Variants in PCDHA7 observed in about 807,000 individuals in gnomAD.
The protein encoded by PCDHA7 is protocadherin alpha 7, also known as protocadherin alpha-7.
PCDHA7 carries 37 observed loss-of-function variants against 57.2 expected under a neutral mutation model. The observed-to-expected ratio is 0.65, with a 90% CI of 0.50 to 0.85. PCDHA7 has a LOEUF of 0.85. Among genes scored for constraint, PCDHA7 ranks in the 40% least tolerant of loss-of-function variants. PCDHA7 has a pLI of 0.00. For missense variants in PCDHA7, 1,188 were observed against 1,241.8 expected, an observed-to-expected ratio of 0.96 and a Z score of 0.65; for synonymous variants, 553 against 558.8, an observed-to-expected ratio of 0.99 and a Z score of 0.15.
At chr5:140,986,427 G>A (rs937088313) in intron 3 of PCDHA7, among the ~76,000 whole-genome samples, 19 of 152,186 alleles carry the variant, frequency 1.2e-4, no homozygotes, top group African/African-American at 4.6e-4. Context: ...TTAACTTCAT[G>A]AGTACTAATG....
chr5:140,856,970 G>T (rs2044296852), intron 1 of PCDHA7: 1 of 1,592,058 alleles, frequency 6.3e-7, no homozygotes, highest in Non-Finnish European at 8.6e-7. Flanking sequence ...TGATGCTATT[G>T]ACTTTGAGGA....
chr5:140,930,412 G>T (rs1327423423), intron 1 of PCDHA7: 1 of 148,866 alleles, frequency 6.7e-6, no homozygotes, highest in Non-Finnish European at 1.5e-5. Context: ...TTTTGAGACA[G>T]GGGTCTCACT....
At chr5:140,995,687 G>C (rs983290111) in intron 3 of PCDHA7, among the ~76,000 whole-genome samples, 3 of 152,062 alleles carry the variant, frequency 2.0e-5, no homozygotes, top group Admixed American at 6.5e-5. Context: ...TTTTTTAATT[G>C]TTAAATAAAG....
At chr5:140,894,405 CT>C (rs1198263353) in intron 1 of PCDHA7, among the ~76,000 whole-genome samples, 2 of 151,926 alleles carry the variant, frequency 1.3e-5, no homozygotes, top group African/African-American at 4.8e-5. Context: ...CTTTGCTTTT[CT>C]TTTGTAGCTA....
At chr5:140,856,210 G>C (rs556174610) in intron 1 of PCDHA7, 1 of 1,598,116 alleles carries the variant, frequency 6.3e-7, no homozygotes, top group African/African-American at 1.3e-5. Context: ...TGGGGCTGGA[G>C]CTGGCGGAGC....
Position 140,849,728 on chromosome 5 carries a change from A to C in PCDHA7, c.2355+12990A>C, listed in dbSNP as rs144507871. ...ATTACTACTCGTTGGTGCTGGACAG[A>C]GCTCTGGACCGCGAGAGTGTGTCCG... On this transcript the variant is annotated intron_variant, in intron 1 of 3. Transcript: ENST00000525929. 513 of 1,598,410 alleles carry C rather than the reference A, an allele frequency of 3.2e-4. 33 individuals carry two copies. In the African/African-American group the frequency reaches 4.5e-3, roughly 14 times the overall value.
At chr5:140,958,294 A>G (rs1324756311) in intron 1 of PCDHA7, among the ~76,000 whole-genome samples, 1 of 152,142 alleles carries the variant, frequency 6.6e-6, no homozygotes, top group African/African-American at 2.4e-5. Context: ...ATATTATTGA[A>G]CTTAATTAAA....
intron 1 of PCDHA7, among the ~76,000 whole-genome samples, chr5:140,959,927 C>A (rs1554224406): frequency 6.6e-6 from 1 of 152,038 alleles, no homozygotes; most frequent in African/African-American, 2.4e-5. Flanking sequence ...TTGTAAAGCC[C>A]CATTACTTAG....
At chr5:140,849,934 G>A (rs2150458402) in intron 1 of PCDHA7, 1 of 1,598,054 alleles carries the variant, frequency 6.3e-7, no homozygotes, top group East Asian at 2.2e-5. Context: ...GTGTCTGCGC[G>A]GGACGCTGAC....
chr5:140,857,161 C>G (rs782653443), intron 1 of PCDHA7: 1 of 1,598,332 alleles, frequency 6.3e-7, no homozygotes, highest in Non-Finnish European at 8.6e-7. Flanking sequence ...TTGCCCTAAT[C>G]AGCGTTTCTG....
Position 140,836,212 on chromosome 5 carries a change from A to T in PCDHA7, c.1829A>T (p.Glu610Val). The T allele has an allele frequency of 6.2e-7, 1 of 1,613,756 alleles. No homozygotes were observed. The change falls in exon 1 of 4, where the codon GAG becomes GTG. Residue 610 changes from glutamate (E) to valine (V), a missense_variant. Physicochemically the swap from Glu to Val is moderately radical, Grantham distance 121. This residue lies in a region of PCDHA7 where 892 missense variants were observed against 788.5 expected (regional missense o/e 1.13). Transcript: ENST00000525929. ...DSGYNAWLSYELQPVAAGASI... is the reference protein window; with the variant it reads ...DSGYNAWLSYVLQPVAAGASI... Reference sequence around the variant, plus strand: ...GGCTACAACGCGTGGCTTTCGTATGAGTTGCAACCGGTGGCGGCCGGTGCG... The same window carrying T: ...GGCTACAACGCGTGGCTTTCGTATGTGTTGCAACCGGTGGCGGCCGGTGCG...
chr5:140,883,096 T>G (rs2059436763), intron 1 of PCDHA7: 1 of 1,614,006 alleles, frequency 6.2e-7, no homozygotes, highest in Non-Finnish European at 8.5e-7. Flanking sequence ...CAAATGGAGA[T>G]ATAGTTTACT....
chr5:140,883,835 T>C (rs782244088), intron 1 of PCDHA7: 10 of 1,612,448 alleles, frequency 6.2e-6, no homozygotes, highest in East Asian at 4.5e-5. Flanking sequence ...GCTGCAGCCG[T>C]TGGACCACGA....
chr5:140,984,516 TCA>T (rs1422083367), intron 3 of PCDHA7, among the ~76,000 whole-genome samples: 2 of 152,130 alleles, frequency 1.3e-5, no homozygotes, highest in Non-Finnish European at 2.9e-5. Context: ...GATGCATGAG[TCA>T]CAGTCTTCAT....
At chr5:140,853,280 T>C in intron 1 of PCDHA7, 1 of 980,192 alleles carries the variant, frequency 1.0e-6, no homozygotes, top group South Asian at 4.8e-5. Context: ...TCTCATCATA[T>C]GCAAATTCTC....
intron 1 of PCDHA7, chr5:140,876,486 G>T (rs2153341413): frequency 6.2e-7 from 1 of 1,614,014 alleles, no homozygotes; most frequent in Non-Finnish European, 8.5e-7. Context: ...TGGTCCTGGT[G>T]GAAGTTCTGG....
intron 1 of PCDHA7, among the ~76,000 whole-genome samples, chr5:140,909,383 C>T (rs782249699): frequency 5.9e-5 from 9 of 152,202 alleles, no homozygotes; most frequent in Non-Finnish European, 1.3e-4. Flanking sequence ...GAAACCACAT[C>T]TAGTACAGCA....
At chr5:140,854,852 A>G (rs1161281269) in intron 1 of PCDHA7, among the ~76,000 whole-genome samples, 1 of 149,940 alleles carries the variant, frequency 6.7e-6, no homozygotes, top group African/African-American at 2.4e-5. Flanking sequence ...TGATAAAATT[A>G]CTAGATATAT....
At chr5:140,876,524 T>A in intron 1 of PCDHA7, 1 of 1,614,136 alleles carries the variant, frequency 6.2e-7, no homozygotes, top group Non-Finnish European at 8.5e-7. Flanking sequence ...CCTGAAGTAA[T>A]GGTTACTTCA....
Sources: gnomAD v4.1 joint callset for allele counts (sites outside exome capture counted in the v4.1 genomes callset) on GRCh38, gnomAD v4.1.1 for gene constraint, gnomAD v4.1.1 regional missense constraint, MANE v1.5 for transcripts, NCBI Gene and HGNC (gene_info 2026-07-23, HGNC 2026-07-21) for gene names.